Variants in ECRG4 observed in about 807,000 individuals in gnomAD.
The protein encoded by ECRG4 is augurin.
In ECRG4, 18 loss-of-function variants were observed where a neutral mutation model predicts 15.8. That is an observed-to-expected ratio of 1.14 (90% CI 0.79 to 1.69). The LOEUF (loss-of-function observed/expected upper bound fraction) is 1.69. Ranked by LOEUF, ECRG4 falls within the 40% of genes most tolerant of loss-of-function variation. The probability of loss-of-function intolerance (pLI) is 0.00; values close to 1 mark genes in which losing one functional copy is unlikely to be tolerated. For synonymous variants in ECRG4, 82 were observed against 73.9 expected (o/e 1.11, Z -0.56); for missense variants, 200 against 190.9 (o/e 1.05, Z -0.28).
At position 106,071,889 on chromosome 2, in the gene ECRG4, A is replaced by G. The variant is rs546161164; in HGVS notation, c.125A>G (p.Glu42Gly). 1.2e-6 allele frequency: 2 copies of G among 1,612,824 alleles called. No individual in the cohort carries two copies. Among genetic ancestry groups the G allele is most frequent in the South Asian group, 2.2e-5 (2 of 91,032 alleles). Residue 42 changes from glutamate to glycine, a missense_variant and splice_region_variant, in exon 2 of 4, where the codon GAA becomes GGA. Physicochemically the swap from Glu to Gly is moderately conservative, Grantham distance 98. Transcript: ENST00000238044. ...NKLKLMLQKR[E>G]APVPTKTKVA... ...CTCAAGCTGATGCTTCAAAAACGAG[A>G]AGGTAAATATACCCCAAATGGATAA...
At position 106,073,892 on chromosome 2, in the gene ECRG4, T is replaced by C; in HGVS notation, c.134T>C (p.Val45Ala). ...GGGGAATTGATGATTTCAGCACCTGTTCCAACTAAGACTAAAGTGGCCGTT... is the reference window on the plus strand; with the variant it reads ...GGGGAATTGATGATTTCAGCACCTGCTCCAACTAAGACTAAAGTGGCCGTT... Reference protein sequence around the residue: ...KLMLQKREAPVPTKTKVAVDE... With the variant: ...KLMLQKREAPAPTKTKVAVDE... Residue 45 changes from valine (V) to alanine (A), a missense_variant, in exon 3 of 4, where the codon GTT (valine) becomes GCT (alanine). Transcript: ENST00000238044. 1 of 1,614,170 alleles carries C rather than the reference T, an allele frequency of 6.2e-7. No homozygotes were observed. The highest frequency in any genetic ancestry group is 1.1e-5 in the South Asian group (1 of 91,086).
At chr2:106,068,727 C>T (rs35330703) in intron 1 of ECRG4, among the ~76,000 whole-genome samples, 27,026 of 152,192 alleles carry the variant, frequency 0.18, 2,673 homozygotes, top group Non-Finnish European at 0.19. Flanking sequence ...CTGTTAGAGA[C>T]TGACAGATGT....
At chr2:106,067,556 G>A (rs1003313615) in intron 1 of ECRG4, among the ~76,000 whole-genome samples, 1 of 151,276 alleles carries the variant, frequency 6.6e-6, no homozygotes, top group Non-Finnish European at 1.5e-5. Context: ...TGCAACCTCC[G>A]CCTCCCAGGT....
chr2:106,067,059 C>CGGGGGGG (rs1171603168), intron 1 of ECRG4, among the ~76,000 whole-genome samples: 1 of 4,258 alleles, frequency 2.3e-4, no homozygotes, highest in Non-Finnish European at 4.6e-4. Context: ...TTTGGGAGGC[C>CGGGGGGG]GGGGGGGGGG....
intron 2 of ECRG4, among the ~76,000 whole-genome samples, chr2:106,073,254 C>A (rs555932583): frequency 2.0e-5 from 3 of 152,162 alleles, no homozygotes; most frequent in African/African-American, 7.2e-5. Context: ...GATGGAAAGA[C>A]GTTAGCAGCA....
intron 2 of ECRG4, among the ~76,000 whole-genome samples, chr2:106,072,708 G>T (rs558100351): frequency 6.6e-6 from 1 of 152,146 alleles, no homozygotes; most frequent in South Asian, 2.1e-4. Context: ...GGCTTGGGGC[G>T]GTCCCAGCAT....
chr2:106,070,338 C>T (rs1052844387), intron 1 of ECRG4, among the ~76,000 whole-genome samples: 2 of 152,216 alleles, frequency 1.3e-5, no homozygotes, highest in Non-Finnish European at 2.9e-5. Flanking sequence ...TCCCAGAGGG[C>T]AGGCCAGCAG....
upstream of ECRG4, chr2:106,065,678 G>T (rs1157747745): frequency 6.6e-6 from 7 of 1,059,722 alleles, no homozygotes; most frequent in Non-Finnish European, 8.8e-6. Context: ...GGCCGCGCCT[G>T]CCCGCTCGCA....
chr2:106,064,050 C>T (rs1676153464), upstream of ECRG4, among the ~76,000 whole-genome samples: 1 of 152,194 alleles, frequency 6.6e-6, no homozygotes, highest in African/African-American at 2.4e-5. Context: ...ATTTTTCTTT[C>T]TAATGATAAA....
upstream of ECRG4, among the ~76,000 whole-genome samples, chr2:106,065,465 CG>C (rs564653048): frequency 1.8e-3 from 277 of 152,298 alleles, no homozygotes; most frequent in African/African-American, 5.7e-3. Flanking sequence ...GCTGGCCACG[CG>C]GCCCCCGCCG....
chr2:106,074,409 C>T (rs1676440229), intron 3 of ECRG4, among the ~76,000 whole-genome samples: 1 of 152,006 alleles, frequency 6.6e-6, no homozygotes, highest in Non-Finnish European at 1.5e-5. Context: ...TAACTTTTAA[C>T]TTGAAGACTG....
chr2:106,069,467 G>A (rs1347622588), intron 1 of ECRG4, among the ~76,000 whole-genome samples: 1 of 151,778 alleles, frequency 6.6e-6, no homozygotes, highest in African/African-American at 2.4e-5. Flanking sequence ...CTGAGTAGCT[G>A]GGACTACAGG....
In ECRG4 at chr2:106,065,763, C is replaced by T. The variant is rs755097644; in HGVS notation, c.-2C>T. The T allele has an allele frequency of 8.1e-6, 12 of 1,480,868 alleles. No individual in the cohort carries two copies. The highest frequency in any genetic ancestry group is 9.8e-6 in the Non-Finnish European group (11 of 1,122,718). The allele number at this position is 1,480,868 out of a possible 1,614,324, so 91.7% of individuals were successfully genotyped here. On this transcript the variant is annotated 5_prime_UTR_variant, in exon 1 of 4. Transcript: ENST00000238044. ...TCGCCCTCCTGCTCGCGCCCCGCCG[C>T]CATGGCTGCCTCCCCCGCGCGGCCT...
At chr2:106,069,984 C>T (rs34162166) in intron 1 of ECRG4, among the ~76,000 whole-genome samples, 25,579 of 152,148 alleles carry the variant, frequency 0.17, 2,453 homozygotes, top group Non-Finnish European at 0.19. Context: ...TGCACTACGC[C>T]GATATCTTAG....
In ECRG4 at chr2:106,078,023, C is replaced by A; in HGVS notation, c.*97C>A. On this transcript the variant is annotated 3_prime_UTR_variant, in exon 4 of 4. Transcript: ENST00000238044. ...ACTTGGTTTCTGATTTGCTCTATTT[C>A]AGCAGATCTTTTCTACCTACTTTGT... is the stretch of plus-strand genomic sequence containing the variant. 2.5e-6 allele frequency: 3 copies of A among 1,189,112 alleles called. No homozygotes were observed. In the Admixed American group the frequency reaches 8.7e-5, roughly 34 times the overall value. 73.7% of individuals were successfully genotyped at this position (1,189,112 alleles called of 1,614,324 possible). A position where few individuals can be genotyped will look rare whatever the true frequency, so the allele number is the denominator to read the frequency against.
rs1478425308 is a variant in ECRG4, at chr2:106,073,993, G to A, written c.235G>A (p.Glu79Lys). The change falls in exon 3 of 4, where the codon GAG becomes AAG. Residue 79 changes from glutamate (E) to lysine (K), a missense_variant. By Grantham distance (56) the Glu-to-Lys change is moderately conservative. Coordinates refer to ENST00000238044, the MANE Select transcript of ECRG4 (RefSeq NM_032411.3). Reference sequence around the variant, plus strand: ...GCAGCTGTGGGACCGGACTCGGCCCGAGGTGCAGCAGTGGTACCAGCAGTT... The same window carrying A: ...GCAGCTGTGGGACCGGACTCGGCCCAAGGTGCAGCAGTGGTACCAGCAGTT... ...KRQLWDRTRP[E>K]VQQWYQQFLY... 1.9e-6 allele frequency: 3 copies of A among 1,613,996 alleles called. No individual in the cohort carries two copies. The highest frequency in any genetic ancestry group is 2.2e-5 in the South Asian group (2 of 91,070).
chr2:106,068,745 T>C (rs1278251436), intron 1 of ECRG4, among the ~76,000 whole-genome samples: 1 of 152,246 alleles, frequency 6.6e-6, no homozygotes, highest in Non-Finnish European at 1.5e-5. Context: ...TGTTAAGACA[T>C]TAATGAATGC....
chr2:106,071,813 CTG>C (rs1676378369), intron 1 of ECRG4, 29 bp from the exon 2 acceptor site: 1 of 1,598,858 alleles, frequency 6.3e-7, no homozygotes, highest in African/African-American at 1.3e-5. Context: ...CAGTATAACT[CTG>C]ATATGGATTT....
At chr2:106,075,982 T>G (rs918771994) in intron 3 of ECRG4, among the ~76,000 whole-genome samples, 1 of 152,156 alleles carries the variant, frequency 6.6e-6, no homozygotes, top group East Asian at 1.9e-4. Context: ...TTTAAAAAAT[T>G]TTTGAAAATA....
Sources: gnomAD v4.1 joint callset for allele counts (sites outside exome capture counted in the v4.1 genomes callset) on GRCh38, gnomAD v4.1.1 for gene constraint, MANE v1.5 for transcripts, NCBI Gene and HGNC (gene_info 2026-07-23, HGNC 2026-07-21) for gene names.